Variants in ZEB2 observed in about 807,000 individuals in gnomAD.
ZEB2 encodes the protein zinc finger E-box-binding homeobox 2.
A neutral mutation model predicts 99.9 loss-of-function variants in ZEB2; 6 were observed. That is an observed-to-expected ratio of 0.06 (90% CI 0.03 to 0.12). The LOEUF (loss-of-function observed/expected upper bound fraction) is 0.12, where lower values mean the gene tolerates loss of function less well. Ranked by LOEUF, ZEB2 falls within the 10% of genes least tolerant of loss-of-function variation. The pLI is 1.00. For synonymous variants in ZEB2, 517 were observed against 542.5 expected, an observed-to-expected ratio of 0.95 and a Z score of 0.65; for missense variants, 969 against 1,502.8, an observed-to-expected ratio of 0.64 and a Z score of 5.87.
chr2:144,432,599 T>C (rs1276075488), intron 2 of ZEB2, among the ~76,000 whole-genome samples: 1 of 152,146 alleles, frequency 6.6e-6, no homozygotes, highest in Non-Finnish European at 1.5e-5. Flanking sequence ...TCCCAGGATT[T>C]TCCTTTAAAA....
chr2:144,518,129 C>T (rs1199811578), intron 1 of ZEB2: 1 of 151,472 alleles, frequency 6.6e-6, no homozygotes, highest in Admixed American at 6.4e-5. Flanking sequence ...AGTATTTCCC[C>T]CCACCTCACT....
intron 6 of ZEB2, among the ~76,000 whole-genome samples, chr2:144,403,371 T>TTA (rs1374753627): frequency 2.0e-5 from 3 of 152,078 alleles, no homozygotes; most frequent in Non-Finnish European, 4.4e-5. Context: ...CCAATTTATT[T>TTA]TATATATTAT....
At chr2:144,402,107 A>T (rs1703319713) in intron 6 of ZEB2, among the ~76,000 whole-genome samples, 1 of 152,174 alleles carries the variant, frequency 6.6e-6, no homozygotes, top group Non-Finnish European at 1.5e-5. Flanking sequence ...AAGGAAAAAA[A>T]GTTTCCTGAA....
rs747629004 is a variant in ZEB2, at chr2:144,405,005, T to G, written c.423A>C (p.Thr141=). ...NNGTVKNANC[T]SDFEEYFAKR... is the part of the protein sequence containing the mutation. The stretch of plus-strand genomic sequence containing the variant: ...TGGCAAAGTATTCCTCAAAATCTGA[T>G]GTGCAATTTGCATTCTTCACTGAAA... The change falls in exon 5 of 10, where the codon ACA becomes ACC. Residue 141 remains threonine (T), a synonymous_variant. Coordinates refer to ENST00000627532, the MANE Select transcript of ZEB2 (RefSeq NM_014795.4). 4 of 1,613,960 alleles carry G rather than the reference T, an allele frequency of 2.5e-6. No individual in the cohort carries two copies. The highest frequency in any genetic ancestry group is 2.5e-6 in the Non-Finnish European group (3 of 1,180,052).
chr2:144,485,053 A>G lies in ZEB2; in HGVS notation c.73+32225T>C, dbSNP rs531925224. 3.9e-5 allele frequency among the ~76,000 whole-genome samples: 6 copies of G among 152,266 alleles called. No individual in the cohort carries two copies. In the South Asian group the frequency reaches 1.2e-3, roughly 32 times the overall value. On this transcript the variant is annotated intron_variant, in intron 2 of 9. Transcript: ENST00000627532. The stretch of plus-strand genomic sequence containing the variant: ...ACTTAGCATGAAAATAAGACTATGG[A>G]TCTTGGGGCCACAATATCAAAACCA...
At chr2:144,468,681 G>A (rs1018368704) in intron 2 of ZEB2, among the ~76,000 whole-genome samples, 1 of 151,922 alleles carries the variant, frequency 6.6e-6, no homozygotes, top group African/African-American at 2.4e-5. Context: ...ACAACAGGGG[G>A]TGAGGACAGA....
At chr2:144,511,136 C>T (rs889508781) in intron 2 of ZEB2, among the ~76,000 whole-genome samples, 3 of 152,168 alleles carry the variant, frequency 2.0e-5, no homozygotes, top group Non-Finnish European at 2.9e-5. Context: ...ATGGACCACA[C>T]GCGAAATCAG....
chr2:144,391,550 A>G (rs1560602963), intron 9 of ZEB2, among the ~76,000 whole-genome samples: 1 of 152,284 alleles, frequency 6.6e-6, no homozygotes, highest in African/African-American at 2.4e-5. Context: ...ACTGGATAAC[A>G]GAGAATCCCA....
At chr2:144,451,122 G>A (rs1403048039) in intron 2 of ZEB2, among the ~76,000 whole-genome samples, 1 of 152,186 alleles carries the variant, frequency 6.6e-6, no homozygotes, top group Non-Finnish European at 1.5e-5. Flanking sequence ...ATATGTAAAA[G>A]AAAACACATT....
intron 2 of ZEB2, among the ~76,000 whole-genome samples, chr2:144,476,577 T>C (rs976222303): frequency 1.3e-5 from 2 of 152,186 alleles, no homozygotes; most frequent in Non-Finnish European, 2.9e-5. Flanking sequence ...GGGCAGCACC[T>C]GAAACAACTT....
intron 4 of ZEB2, among the ~76,000 whole-genome samples, chr2:144,406,321 AT>A (rs779362106): frequency 2.0e-5 from 3 of 152,238 alleles, no homozygotes; most frequent in Non-Finnish European, 2.9e-5. Context: ...TTCTAGGCTC[AT>A]CCTTCGGGAA....
At position 144,479,693 on chromosome 2, in the gene ZEB2, G is replaced by GGGA. The variant is rs1704482048; in HGVS notation, c.73+37584_73+37585insTCC. 2.0e-5 allele frequency among the ~76,000 whole-genome samples: 2 copies of GGGA among 100,824 alleles called. 1 individual carries two copies. Among genetic ancestry groups the GGGA allele is most frequent in the Non-Finnish European group, 4.1e-5 (2 of 48,938 alleles). The allele number at this position is 100,824 out of a possible 152,430, so 66.1% of individuals were successfully genotyped here. A position where few individuals can be genotyped will look rare whatever the true frequency, so the allele number is the denominator to read the frequency against. On this transcript the variant is annotated intron_variant, in intron 2 of 9. Coordinates refer to ENST00000627532, the MANE Select transcript of ZEB2 (RefSeq NM_014795.4). ...TATGCTACTTTTTTTTGGGGGGGGG[G>GGGA]GCGGGGGGTGGACTTTGAACAATGA...
intron 2 of ZEB2, chr2:144,503,930 T>A (rs1573808155): frequency 6.6e-6 from 1 of 152,036 alleles, no homozygotes; most frequent in African/African-American, 2.4e-5. Flanking sequence ...TTGTACTGGC[T>A]TTTTGTTAGC....
intron 2 of ZEB2, among the ~76,000 whole-genome samples, chr2:144,455,621 A>T (rs1166818112): frequency 1.3e-5 from 2 of 152,166 alleles, no homozygotes; most frequent in African/African-American, 4.8e-5. Context: ...TTAACTTTAT[A>T]CTCTTCTATG....
At chr2:144,510,233 G>A (rs1237137908) in intron 2 of ZEB2, among the ~76,000 whole-genome samples, 1 of 151,856 alleles carries the variant, frequency 6.6e-6, no homozygotes, top group African/African-American at 2.4e-5. Flanking sequence ...AAAAAGTCAG[G>A]GGGAAAAATG....
At chr2:144,429,387 A>G (rs1703736422) in intron 3 of ZEB2, 1 of 212,574 alleles carries the variant, frequency 4.7e-6, no homozygotes, top group Non-Finnish European at 9.7e-6. Flanking sequence ...TCCACACAAA[A>G]TATTTTTATA....
intron 2 of ZEB2, among the ~76,000 whole-genome samples, chr2:144,499,013 G>C (rs144062865): frequency 6.6e-6 from 1 of 152,174 alleles, no homozygotes; most frequent in South Asian, 2.1e-4. Context: ...CATAACTTCA[G>C]AGTGAAGTGA....
chr2:144,413,171 T>A (rs1703488118), intron 4 of ZEB2, among the ~76,000 whole-genome samples: 1 of 152,136 alleles, frequency 6.6e-6, no homozygotes, highest in South Asian at 2.1e-4. Flanking sequence ...TTCTTTTCAA[T>A]TAAAAACTCA....
chr2:144,504,430 CTCTG>C (rs1322983026), intron 2 of ZEB2: 1 of 152,854 alleles, frequency 6.5e-6, no homozygotes, highest in East Asian at 1.9e-4. Flanking sequence ...CCCCCCACCC[CTCTG>C]TCTTTCACTC....
Sources: allele counts gnomAD v4.1 joint callset (sites outside exome capture counted in the v4.1 genomes callset), GRCh38; gene constraint gnomAD v4.1.1; transcripts MANE v1.5; gene names NCBI Gene and HGNC (gene_info 2026-07-23, HGNC 2026-07-21).